The following ADAMTS16 variants were observed in gnomAD, a reference collection of about 807,000 sequenced individuals.
ADAMTS16 encodes A disintegrin and metalloproteinase with thrombospondin motifs 16.
ADAMTS16 carries 94 observed loss-of-function variants against 145.8 expected under a neutral mutation model. The observed-to-expected ratio is 0.64, with a 90% confidence interval of 0.55 to 0.77. The LOEUF (loss-of-function observed/expected upper bound fraction) is 0.77, where lower values mean the gene tolerates loss of function less well. Ranked by LOEUF, ADAMTS16 falls within the 30% of genes least tolerant of loss-of-function variation. The pLI is 0.00. For synonymous variants in ADAMTS16, 659 were observed against 604.3 expected (o/e 1.09, Z -1.33); for missense variants, 1,585 against 1,591.5 (o/e 1.00, Z 0.07).
At position 5,319,854 on chromosome 5, in the gene ADAMTS16, T is replaced by A. The variant is rs1241101929; in HGVS notation, c.*716T>A. On this transcript the variant is annotated 3_prime_UTR_variant, in exon 23 of 23. Transcript: ENST00000274181. ...CAGATTCATGCATTGAAGGAGAGAT[T>A]TTTTATACTTTATGTTTTATCTTTC... 2.2e-6 allele frequency: 1 copy of A among 455,522 alleles called. No individual in the cohort carries two copies. Among genetic ancestry groups the A allele is most frequent in the Non-Finnish European group, 4.4e-6 (1 of 226,688 alleles). The allele number at this position is 455,522 out of a possible 1,614,324, so 28.2% of individuals were successfully genotyped here. A position where few individuals can be genotyped will look rare whatever the true frequency, so the allele number is the denominator to read the frequency against.
At chr5:5,249,992 C>T (rs2126406650) in intron 17 of ADAMTS16, among the ~76,000 whole-genome samples, 1 of 152,280 alleles carries the variant, frequency 6.6e-6, no homozygotes, top group African/African-American at 2.4e-5. Context: ...TCCTTTCCAA[C>T]CATAGTCTCC....
intron 17 of ADAMTS16, among the ~76,000 whole-genome samples, chr5:5,256,945 C>T (rs1737804249): frequency 2.0e-5 from 3 of 152,168 alleles, no homozygotes; most frequent in Non-Finnish European, 4.4e-5. Context: ...AGACTTCTAA[C>T]AGTTTTAGAA....
intron 20 of ADAMTS16, among the ~76,000 whole-genome samples, chr5:5,305,430 CCCACACCACACACACACAT>C (rs1269433760): frequency 2.6e-5 from 2 of 77,928 alleles, no homozygotes; most frequent in African/African-American, 9.2e-5. Context: ...ACACACACAA[CCCACACCACACACACACAT>C]CCACACCACA....
intron 3 of ADAMTS16, among the ~76,000 whole-genome samples, chr5:5,160,338 C>T (rs868837520): frequency 9.9e-5 from 15 of 152,090 alleles, no homozygotes; most frequent in African/African-American, 3.4e-4. Context: ...AATGTCAATC[C>T]TAATTATCTA....
intron 2 of ADAMTS16, among the ~76,000 whole-genome samples, chr5:5,144,681 G>A (rs532554114): frequency 4.6e-5 from 7 of 152,296 alleles, no homozygotes; most frequent in South Asian, 4.1e-4. Flanking sequence ...TATCAGCAGC[G>A]TTTGAAAGAG....
chr5:5,287,651 G>A (rs993234374), intron 18 of ADAMTS16, among the ~76,000 whole-genome samples: 2 of 152,194 alleles, frequency 1.3e-5, no homozygotes, highest in African/African-American at 4.8e-5. Flanking sequence ...CTGAGGCTCC[G>A]GGCGGGATAT....
At chr5:5,220,394 G>A (rs13169786) in intron 10 of ADAMTS16, among the ~76,000 whole-genome samples, 8 of 150,942 alleles carry the variant, frequency 5.3e-5, no homozygotes, top group Admixed American at 2.0e-4. Flanking sequence ...TCCTGACCTC[G>A]TGATCCGCCC....
intron 17 of ADAMTS16, among the ~76,000 whole-genome samples, chr5:5,258,851 ATTTT>A (rs1553995320): frequency 6.6e-6 from 1 of 150,508 alleles, no homozygotes; most frequent in Non-Finnish European, 1.5e-5. Context: ...TATATATATA[ATTTT>A]TTTTAGTATT....
intron 3 of ADAMTS16, among the ~76,000 whole-genome samples, chr5:5,154,928 G>A (rs868408084): frequency 4.3e-4 from 66 of 152,258 alleles, no homozygotes; most frequent in African/African-American, 1.4e-3. Context: ...AACTCTCGGG[G>A]ATGATACAGG....
intron 18 of ADAMTS16, among the ~76,000 whole-genome samples, chr5:5,288,635 C>A (rs1020123416): frequency 6.6e-6 from 1 of 152,144 alleles, no homozygotes; most frequent in Non-Finnish European, 1.5e-5. Context: ...AGATAGGCAT[C>A]ACATAAATTG....
chr5:5,207,756 GT>G (rs919547809), intron 9 of ADAMTS16, among the ~76,000 whole-genome samples: 2 of 150,842 alleles, frequency 1.3e-5, no homozygotes, highest in South Asian at 4.2e-4. Flanking sequence ...TTATCAAATG[GT>G]TTTTTTCTTC....
At chr5:5,142,223 A>T (rs994204783) in intron 2 of ADAMTS16, 1 of 152,196 alleles carries the variant, frequency 6.6e-6, no homozygotes, top group African/African-American at 2.4e-5. Flanking sequence ...CTTCGTGCCT[A>T]AGTGTGCTTT....
At chr5:5,211,853 T>C (rs1318591171) in intron 10 of ADAMTS16, among the ~76,000 whole-genome samples, 1 of 152,156 alleles carries the variant, frequency 6.6e-6, no homozygotes, top group Non-Finnish European at 1.5e-5. Context: ...CAAATAATTC[T>C]CCAGATAACT....
intron 8 of ADAMTS16, among the ~76,000 whole-genome samples, chr5:5,193,250 C>T (rs1292771390): frequency 1.3e-5 from 2 of 152,036 alleles, no homozygotes; most frequent in Admixed American, 6.6e-5. Context: ...AGGTTCTGCA[C>T]CCTTTAGCTG....
chr5:5,200,346 A>G (rs1381782679), intron 9 of ADAMTS16, 77 bp downstream of exon 9: 27 of 1,571,296 alleles, frequency 1.7e-5, no homozygotes, highest in Non-Finnish European at 2.2e-5. Flanking sequence ...GATCCTGTGC[A>G]AGCAGCCCCA....
At chr5:5,233,397 T>G (rs1329716777) in intron 12 of ADAMTS16, among the ~76,000 whole-genome samples, 2 of 152,216 alleles carry the variant, frequency 1.3e-5, no homozygotes, top group African/African-American at 4.8e-5. Context: ...ATAAGCAAAC[T>G]TGTGTCACGG....
At chr5:5,243,130 A>G (rs997097308) in intron 17 of ADAMTS16, among the ~76,000 whole-genome samples, 1 of 152,274 alleles carries the variant, frequency 6.6e-6, no homozygotes, top group African/African-American at 2.4e-5. Flanking sequence ...AGGTGAAGAA[A>G]CTAAAGGAAA....
At chr5:5,221,254 T>G (rs1315033057) in intron 10 of ADAMTS16, among the ~76,000 whole-genome samples, 2 of 152,048 alleles carry the variant, frequency 1.3e-5, no homozygotes. Flanking sequence ...CTGCATACAT[T>G]TTTTTTAATC....
intron 4 of ADAMTS16, among the ~76,000 whole-genome samples, chr5:5,185,475 A>C (rs1227856636): frequency 6.6e-6 from 1 of 152,230 alleles, no homozygotes; most frequent in Non-Finnish European, 1.5e-5. Flanking sequence ...CTTCTAATCA[A>C]ATACATAAAT....
Sources: gnomAD v4.1 joint callset for allele counts (sites outside exome capture counted in the v4.1 genomes callset) on GRCh38, gnomAD v4.1.1 for gene constraint, MANE v1.5 for transcripts, NCBI Gene and HGNC (gene_info 2026-07-23, HGNC 2026-07-21) for gene names.